The following HTR4 variants were observed in gnomAD, a reference collection of about 807,000 sequenced individuals.
HTR4 encodes 5-hydroxytryptamine (serotonin) receptor 4, G protein-coupled.
Under a neutral mutation model 36.8 loss-of-function variants are expected in HTR4, and 16 were observed. That is an observed-to-expected ratio of 0.43 (90% CI 0.29 to 0.66). The LOEUF (loss-of-function observed/expected upper bound fraction) is 0.66. HTR4 is among the 30% of genes least tolerant of loss of function. The probability of loss-of-function intolerance (pLI) is 0.13; values close to 1 mark genes in which losing one functional copy is unlikely to be tolerated. For missense variants in HTR4, 438 were observed against 490.9 expected, an observed-to-expected ratio of 0.89 and a Z score of 1.02; for synonymous variants, 189 against 185.1, an observed-to-expected ratio of 1.02 and a Z score of -0.17.
At position 148,523,177 on chromosome 5, in the gene HTR4, C is replaced by G; in HGVS notation, c.507+16G>C. On this transcript the variant is annotated intron_variant, in intron 5 of 6. Transcript: ENST00000377888. ...TGATCAGACAGTAAACCAGTGAGGT[C>G]TGTGTGGATACTCACCAAATCAATT... is the stretch of plus-strand genomic sequence containing the variant. 6.2e-7 allele frequency: 1 copy of G among 1,608,560 alleles called. No individual in the cohort carries two copies. The highest frequency in any genetic ancestry group is 8.5e-7 in the Non-Finnish European group (1 of 1,176,220).
intron 6 of HTR4, among the ~76,000 whole-genome samples, chr5:148,508,893 C>T (rs1757353557): frequency 6.6e-6 from 1 of 151,920 alleles, no homozygotes; most frequent in African/African-American, 2.4e-5. Context: ...AGAAAACACA[C>T]ATGAGATGAG....
intron 2 of HTR4, among the ~76,000 whole-genome samples, chr5:148,627,021 T>C (rs1020184366): frequency 1.2e-4 from 19 of 152,320 alleles, no homozygotes; most frequent in African/African-American, 3.8e-4. Flanking sequence ...CCTCATGCAA[T>C]TCATCATGAT....
intron 2 of HTR4, among the ~76,000 whole-genome samples, chr5:148,622,416 C>A (rs575460667): frequency 6.6e-6 from 1 of 152,340 alleles, no homozygotes; most frequent in South Asian, 2.1e-4. Context: ...CTTTACTTAA[C>A]CTTTCCACAT....
intron 2 of HTR4, among the ~76,000 whole-genome samples, chr5:148,603,993 T>A (rs573822289): frequency 6.6e-6 from 1 of 152,152 alleles, no homozygotes; most frequent in Non-Finnish European, 1.5e-5. Context: ...AAACTCATCA[T>A]AACCCTTACC....
chr5:148,464,576 T>C (rs1164654527), intron 5 of HTR4, among the ~76,000 whole-genome samples: 1 of 152,218 alleles, frequency 6.6e-6, no homozygotes, highest in Non-Finnish European at 1.5e-5. Context: ...TTCATCATAC[T>C]GATAGCATCA....
intron 2 of HTR4, among the ~76,000 whole-genome samples, chr5:148,602,336 A>T (rs1316521001): frequency 6.6e-6 from 1 of 152,130 alleles, no homozygotes; most frequent in East Asian, 1.9e-4. Context: ...TAACTGGGGA[A>T]TTTTTTAATA....
intron 2 of HTR4, among the ~76,000 whole-genome samples, chr5:148,630,781 T>G (rs1190614594): frequency 1.3e-5 from 2 of 152,144 alleles, no homozygotes; most frequent in Non-Finnish European, 2.9e-5. Flanking sequence ...TTACCTATGT[T>G]TTTCTGAAGA....
chr5:148,636,556 C>T (rs573242852), intron 2 of HTR4, among the ~76,000 whole-genome samples: 1 of 152,090 alleles, frequency 6.6e-6, no homozygotes, highest in African/African-American at 2.4e-5. Flanking sequence ...CTATACCATG[C>T]AACCATTATG....
At chr5:148,455,315 A>G (rs190385210) in intron 5 of HTR4, among the ~76,000 whole-genome samples, 8 of 152,222 alleles carry the variant, frequency 5.3e-5, no homozygotes, top group Admixed American at 2.0e-4. Flanking sequence ...GCAAGCAATG[A>G]CACCTTCTCC....
intron 2 of HTR4, among the ~76,000 whole-genome samples, chr5:148,610,397 G>A (rs1458521906): frequency 2.6e-5 from 4 of 152,178 alleles, no homozygotes; most frequent in African/African-American, 9.7e-5. Flanking sequence ...TAACTGGGAG[G>A]CACCCTCCAG....
intron 1 of HTR4, among the ~76,000 whole-genome samples, chr5:148,642,258 G>T (rs1025917372): frequency 6.6e-6 from 1 of 152,120 alleles, no homozygotes; most frequent in African/African-American, 2.4e-5. Context: ...TGGAGGGGGA[G>T]TCACTGGACC....
chr5:148,604,088 A>T (rs949406287), intron 2 of HTR4, among the ~76,000 whole-genome samples: 1 of 152,138 alleles, frequency 6.6e-6, no homozygotes, highest in Non-Finnish European at 1.5e-5. Flanking sequence ...AGAAAAACTT[A>T]TGGGTTTTCT....
At chr5:148,494,303 G>T (rs957507980) in intron 6 of HTR4, among the ~76,000 whole-genome samples, 4 of 152,150 alleles carry the variant, frequency 2.6e-5, no homozygotes, top group African/African-American at 9.7e-5. Context: ...CATGGTACCT[G>T]CCCTCATAGA....
chr5:148,487,543 C>G (rs942745543), intron 6 of HTR4, among the ~76,000 whole-genome samples: 1 of 152,110 alleles, frequency 6.6e-6, no homozygotes, highest in African/African-American at 2.4e-5. Flanking sequence ...CATACCAGAC[C>G]TTTGACAGCG....
In HTR4 at chr5:148,654,222, G is replaced by C; in HGVS notation, c.-208C>G. The C allele has an allele frequency of 4.1e-6, 4 of 985,116 alleles. No individual in the cohort carries two copies. Among genetic ancestry groups the C allele is most frequent in the Non-Finnish European group, 4.8e-6 (4 of 829,830 alleles). 61.0% of individuals were successfully genotyped at this position (985,116 alleles called of 1,614,324 possible). On this transcript the variant is annotated 5_prime_UTR_variant, in exon 1 of 7. Transcript: ENST00000377888. ...GGTGCGGGCTCCAGCCCCCGCGCTG[G>C]GGAGCCGGCGAGCGTGAGGCGCGGG...
chr5:148,520,095 C>T (rs1210208058), intron 5 of HTR4, among the ~76,000 whole-genome samples: 1 of 152,152 alleles, frequency 6.6e-6, no homozygotes, highest in African/African-American at 2.4e-5. Context: ...GAACCTAATC[C>T]TGTGTTTTCC....
intron 5 of HTR4, among the ~76,000 whole-genome samples, chr5:148,468,905 T>C (rs1057311564): frequency 1.3e-5 from 2 of 152,108 alleles, no homozygotes; most frequent in African/African-American, 4.8e-5. Context: ...AAGAGACTTT[T>C]TCCCCTTTTG....
In HTR4 at chr5:148,617,468, G is replaced by T. The variant is rs1277118405; in HGVS notation, c.26+19521C>A. ...TACCCTAGTCAAGTCTCTCTCTTTT[G>T]TTTTTTTTTGTTTTTTTTGAGATGG... On this transcript the variant is annotated intron_variant, in intron 2 of 6. Coordinates refer to ENST00000377888, the MANE Select transcript of HTR4 (RefSeq NM_000870.7). 2.2e-5 allele frequency among the ~76,000 whole-genome samples: 3 copies of T among 134,228 alleles called. No homozygotes were observed. The Admixed American group carries it at 2.3e-4, about 10-fold the overall frequency. 88.1% of individuals were successfully genotyped at this position (134,228 alleles called of 152,430 possible). A position where few individuals can be genotyped will look rare whatever the true frequency, so the allele number is the denominator to read the frequency against.
chr5:148,484,284 A>C, intron 6 of HTR4: 1 of 1,613,736 alleles, frequency 6.2e-7, no homozygotes, highest in South Asian at 1.1e-5. Context: ...CCTTGCAGTC[A>C]AACATCTAAT....
Sources: gnomAD v4.1 joint callset for allele counts (sites outside exome capture counted in the v4.1 genomes callset) on GRCh38, gnomAD v4.1.1 for gene constraint, MANE v1.5 for transcripts, NCBI Gene and HGNC (gene_info 2026-07-23, HGNC 2026-07-21) for gene names.